Variants in ARHGAP40 observed in about 807,000 individuals in gnomAD.
The protein encoded by ARHGAP40 is rho GTPase-activating protein 40.
ARHGAP40 carries 43 observed loss-of-function variants against 73.5 expected under a neutral mutation model. The ratio of observed to expected loss-of-function variants is 0.58; its 90% CI spans 0.46 to 0.75. The LOEUF (loss-of-function observed/expected upper bound fraction) is 0.75, where lower values mean the gene tolerates loss of function less well. ARHGAP40 is among the 30% of genes least tolerant of loss of function. ARHGAP40 has a pLI of 0.00. For synonymous variants in ARHGAP40, 300 were observed against 352.8 expected (o/e 0.85, Z 1.68); for missense variants, 734 against 861.8 (o/e 0.85, Z 1.86).
At position 38,601,847 on chromosome 20, in the gene ARHGAP40, G is replaced by A. The variant is rs1409696513; in HGVS notation, c.-96G>A. On this transcript the variant is annotated 5_prime_UTR_variant, in exon 1 of 15. Coordinates refer to ENST00000373345, the Ensembl canonical transcript of ARHGAP40. ...GGTGTCTGGGAACTGGGTGCGCCAC[G>A]GGGGCCCTACCTCACTCCTCCCTCT... The A allele has an allele frequency of 1.6e-5, 20 of 1,251,152 alleles. No homozygotes were observed. The Admixed American group carries it at 1.9e-4, about 12-fold the overall frequency. The allele number at this position is 1,251,152 out of a possible 1,614,324, so 77.5% of individuals were successfully genotyped here.
At chr20:38,621,124 T>C (rs2088871270) in intron 1 of ARHGAP40, among the ~76,000 whole-genome samples, 1 of 152,088 alleles carries the variant, frequency 6.6e-6, no homozygotes, top group Non-Finnish European at 1.5e-5. Context: ...AGTGAGGTCA[T>C]AGGCTGAGGG....
chr20:38,637,598 C>T (rs1454656358), intron 6 of ARHGAP40, 110 bp from the exon 7 acceptor site: 2 of 830,702 alleles, frequency 2.4e-6, no homozygotes, highest in African/African-American at 1.8e-5. Context: ...GAGCTCAGTC[C>T]TTCCACAGGA....
intron 2 of ARHGAP40, among the ~76,000 whole-genome samples, chr20:38,626,100 G>T (rs2088897717): frequency 6.6e-6 from 1 of 152,224 alleles, no homozygotes; most frequent in Non-Finnish European, 1.5e-5. Flanking sequence ...TGCCCTGGAG[G>T]CATCTGTTCT....
rs2089050456 is a variant in ARHGAP40, at chr20:38,646,059, C to T, written c.1582C>T (p.Leu528=). ...CCTTTCTGGCCAGGTCGCCTCTTTC[C>T]TGGTCGCCCAGGTGCGAAAACTGAA... Residue 528 remains leucine, a synonymous_variant, in exon 12 of 15, where the codon CTG becomes TTG. Coordinates refer to ENST00000373345, the Ensembl canonical transcript of ARHGAP40. This position sits in a 1 kb window ranked among gnomAD's most constrained non-coding sequence, Gnocchi z 4.5. The T allele has an allele frequency of 2.3e-6, 3 of 1,303,904 alleles. No individual in the cohort carries two copies. The allele number at this position is 1,303,904 out of a possible 1,614,324, so 80.8% of individuals were successfully genotyped here.
intron 13 of ARHGAP40, 55 bp from the exon 14 acceptor site, chr20:38,648,588 A>C (rs1428223607): frequency 7.9e-7 from 1 of 1,273,252 alleles, no homozygotes; most frequent in Non-Finnish European, 1.0e-6. Context: ...GTTGGTCTTG[A>C]TGTTTCCAGA....
At chr20:38,629,688 C>T (rs1040626276) in intron 5 of ARHGAP40, 38 bp downstream of exon 5, 4 of 1,299,932 alleles carry the variant, frequency 3.1e-6, no homozygotes, top group Non-Finnish European at 4.1e-6. Flanking sequence ...GGCTAGGTCC[C>T]CCTGTGCTCA....
At chr20:38,636,533 G>C (rs770292038) in intron 6 of ARHGAP40, among the ~76,000 whole-genome samples, 4 of 152,012 alleles carry the variant, frequency 2.6e-5, no homozygotes, top group African/African-American at 4.8e-5. Flanking sequence ...AAAGTGCTGG[G>C]GTTACAGGCA....
At chr20:38,621,874 CA>C (rs1324377957) in intron 1 of ARHGAP40, among the ~76,000 whole-genome samples, 2 of 152,022 alleles carry the variant, frequency 1.3e-5, no homozygotes, top group Non-Finnish European at 2.9e-5. Flanking sequence ...GGTAACATGG[CA>C]AAAACCCTGT....
chr20:38,624,068 A>G (rs892915909), intron 2 of ARHGAP40, among the ~76,000 whole-genome samples: 1 of 152,238 alleles, frequency 6.6e-6, no homozygotes, highest in South Asian at 2.1e-4. Context: ...GACTATTACT[A>G]TACCTCACTG....
intron 1 of ARHGAP40, among the ~76,000 whole-genome samples, chr20:38,620,215 C>T (rs767801622): frequency 1.3e-5 from 2 of 152,176 alleles, no homozygotes; most frequent in Non-Finnish European, 2.9e-5. Flanking sequence ...CTCAACAAAG[C>T]GCTGGAAACA....
intron 1 of ARHGAP40, among the ~76,000 whole-genome samples, chr20:38,612,264 T>A (rs1421956473): frequency 6.6e-6 from 1 of 152,200 alleles, no homozygotes; most frequent in Non-Finnish European, 1.5e-5. Flanking sequence ...ATATTTAGAT[T>A]TCATAAAATA....
At chr20:38,629,748 A>G (rs1469181075) in intron 5 of ARHGAP40, 98 bp downstream of exon 5, 6 of 1,187,246 alleles carry the variant, frequency 5.1e-6, no homozygotes, top group African/African-American at 1.6e-5. Flanking sequence ...GGCATCCAGC[A>G]CAAAAGTTGT....
chr20:38,640,488 ATGAGGTT>A (rs1462423542), intron 9 of ARHGAP40, among the ~76,000 whole-genome samples: 1 of 152,104 alleles, frequency 6.6e-6, no homozygotes, highest in Non-Finnish European at 1.5e-5. Context: ...TCCCAAAGTG[ATGAGGTT>A]ACAGGCATGA....
At position 38,628,951 on chromosome 20, in the gene ARHGAP40, T is replaced by G. The variant is rs1158719022; in HGVS notation, c.583T>G (p.Ser195Ala). The G allele has an allele frequency of 3.1e-6, 4 of 1,304,896 alleles. No homozygotes were observed. In the African/African-American group the frequency reaches 6.1e-5, roughly 20 times the overall value. 80.8% of individuals were successfully genotyped at this position (1,304,896 alleles called of 1,614,324 possible). Reference sequence around the variant, plus strand: ...GAAAATGTCGTCAGAGAATGGCGACTCCGGTATGAAGGGGGCCCAGCTCAG... The same window carrying G: ...GAAAATGTCGTCAGAGAATGGCGACGCCGGTATGAAGGGGGCCCAGCTCAG... The change falls in exon 4 of 15, where the codon TCC becomes GCC. Residue 195 changes from serine to alanine, a missense_variant. Transcript: ENST00000373345.
At chr20:38,615,790 G>A (rs569402038) in intron 1 of ARHGAP40, among the ~76,000 whole-genome samples, 1 of 152,274 alleles carries the variant, frequency 6.6e-6, no homozygotes, top group Non-Finnish European at 1.5e-5. Flanking sequence ...ATAGCGTGCT[G>A]TCCCTGTCAG....
chr20:38,623,643 C>G (rs551541466), intron 2 of ARHGAP40, 85 bp downstream of exon 2: 197 of 1,078,048 alleles, frequency 1.8e-4, no homozygotes, highest in Non-Finnish European at 2.3e-4. Context: ...AGATATGAAC[C>G]AGAACATGAC....
exon 9 of ARHGAP40, chr20:38,639,269 T>C: frequency 7.7e-7 from 1 of 1,305,424 alleles, no homozygotes; most frequent in Non-Finnish European, 1.0e-6. Flanking sequence ...TGCTGGCCTT[T>C]TTAGCTGGGA....
At position 38,644,105 on chromosome 20, in the gene ARHGAP40, C is replaced by T. The variant is rs730670; in HGVS notation, c.1569+195C>T. On this transcript the variant is annotated intron_variant, in intron 11 of 14. Coordinates refer to ENST00000373345, the Ensembl canonical transcript of ARHGAP40. The stretch of plus-strand genomic sequence containing the variant: ...GAAGAAGTGTCTTCACTTTCTGTCT[C>T]CACTGCCATGCCTCTCAGTCAGTCT... Among the ~76,000 whole-genome samples, 649 of 152,316 alleles carry T rather than the reference C, an allele frequency of 4.3e-3. 2 individuals carry two copies. Among genetic ancestry groups the T allele is most frequent in the Non-Finnish European group, 6.4e-3 (436 of 68,026 alleles).
intron 9 of ARHGAP40, among the ~76,000 whole-genome samples, chr20:38,640,866 G>A (rs1469874574): frequency 6.6e-6 from 1 of 152,182 alleles, no homozygotes; most frequent in Non-Finnish European, 1.5e-5. Flanking sequence ...ACATCATGCT[G>A]CCTGCCAGCC....
Sources: gnomAD v4.1 joint callset for allele counts (sites outside exome capture counted in the v4.1 genomes callset) on GRCh38, gnomAD v4.1.1 for gene constraint, Gnocchi (gnomAD v3.1) non-coding constraint, MANE v1.5 for transcripts, NCBI Gene and HGNC (gene_info 2026-07-23, HGNC 2026-07-21) for gene names.